KAZN: variants seen among roughly 807,000 people sequenced by gnomAD.
KAZN encodes kazrin, periplakin interacting protein.
KAZN carries 40 observed loss-of-function variants against 87.4 expected under a neutral mutation model. The ratio of observed to expected loss-of-function variants is 0.46; its 90% CI spans 0.36 to 0.60. The LOEUF is 0.60. Among genes scored for constraint, KAZN ranks in the 20% least tolerant of loss-of-function variants. The pLI is 0.00. For missense variants in KAZN, 898 were observed against 1,073.9 expected (o/e 0.84, Z 2.29); for synonymous variants, 466 against 458.3 (o/e 1.02, Z -0.22).
chr1:14,090,012 C>CT lies in KAZN; in HGVS notation c.92-90412dup, dbSNP rs61661596. ...CTTTGGTTCTCTGTAAATAATGCATCTTTTTTTTTTTCCTGTGGCAGCTTT... is the reference window on the plus strand; with the variant it reads ...CTTTGGTTCTCTGTAAATAATGCATCTTTTTTTTTTTTCCTGTGGCAGCTTT... On this transcript the variant is annotated intron_variant, in intron 1 of 16. Coordinates refer to the KAZN transcript ENST00000636203. Among the ~76,000 whole-genome samples the CT allele has an allele frequency of 5.3e-3, 780 of 146,408 alleles. 4 individuals are homozygous for CT. Among genetic ancestry groups the CT allele is most frequent in the African/African-American group, 0.016 (653 of 40,236 alleles).
At chr1:14,104,903 T>G (rs930826500) in intron 1 of KAZN, among the ~76,000 whole-genome samples, 2 of 152,244 alleles carry the variant, frequency 1.3e-5, no homozygotes, top group Non-Finnish European at 2.9e-5. Context: ...TTTGCATTTT[T>G]TTCCCAGAAA....
At chr1:14,988,268 C>T (rs1251371489) in intron 2 of KAZN, among the ~76,000 whole-genome samples, 1 of 152,238 alleles carries the variant, frequency 6.6e-6, no homozygotes, top group South Asian at 2.1e-4. Flanking sequence ...TCAGCCCCAT[C>T]TCTTCCTCCT....
chr1:14,200,169 T>C (rs1646609490), intron 2 of KAZN, among the ~76,000 whole-genome samples: 1 of 152,088 alleles, frequency 6.6e-6, no homozygotes, highest in Non-Finnish European at 1.5e-5. Flanking sequence ...TAATATTTGA[T>C]TGGGTAAATG....
intron 2 of KAZN, among the ~76,000 whole-genome samples, chr1:14,404,823 A>G (rs1443175642): frequency 6.6e-6 from 1 of 152,228 alleles, no homozygotes; most frequent in African/African-American, 2.4e-5. Flanking sequence ...TATGTATTGT[A>G]AAAGAGTAAG....
chr1:14,556,403 C>A (rs1673878339), intron 2 of KAZN, among the ~76,000 whole-genome samples: 1 of 152,002 alleles, frequency 6.6e-6, no homozygotes, highest in Non-Finnish European at 1.5e-5. Context: ...GCCCCCGTGC[C>A]CGGCGGGGGA....
chr1:14,941,542 T>A (rs1204801863), intron 1 of KAZN, among the ~76,000 whole-genome samples: 1 of 138,746 alleles, frequency 7.2e-6, no homozygotes, highest in African/African-American at 2.6e-5. Flanking sequence ...GCAGCCTGGG[T>A]TGGGGGGTGG....
chr1:14,505,183 C>A (rs1366623825), intron 2 of KAZN, among the ~76,000 whole-genome samples: 2 of 152,192 alleles, frequency 1.3e-5, no homozygotes, highest in East Asian at 1.9e-4. Flanking sequence ...TGATGGGCAT[C>A]TCTTGGTCCC....
chr1:14,724,097 CAAAG>C (rs1484339345), intron 1 of KAZN, among the ~76,000 whole-genome samples: 3 of 152,168 alleles, frequency 2.0e-5, no homozygotes, highest in Admixed American at 1.3e-4. Context: ...AAGCCACAAA[CAAAG>C]AAAGCACACA....
chr1:14,465,597 T>C (rs1668082044), intron 2 of KAZN, among the ~76,000 whole-genome samples: 1 of 152,076 alleles, frequency 6.6e-6, no homozygotes, highest in South Asian at 2.1e-4. Flanking sequence ...TCACAAAGCC[T>C]CTTGAGACCT....
At chr1:14,922,523 G>A (rs904698075) in intron 1 of KAZN, among the ~76,000 whole-genome samples, 15 of 152,180 alleles carry the variant, frequency 9.9e-5, no homozygotes, top group African/African-American at 3.1e-4. Flanking sequence ...CCACTCTGCC[G>A]TCCTCTGGCG....
chr1:14,469,525 A>ACAGTTT (rs1345766388), intron 2 of KAZN, among the ~76,000 whole-genome samples: 8 of 152,210 alleles, frequency 5.3e-5, no homozygotes, highest in African/African-American at 1.9e-4. Context: ...TTGCTAAGAA[A>ACAGTTT]ATTGGGCAGT....
At chr1:15,089,653 G>A (rs1247114827) in intron 8 of KAZN, among the ~76,000 whole-genome samples, 3 of 147,092 alleles carry the variant, frequency 2.0e-5, no homozygotes, top group African/African-American at 5.0e-5. Flanking sequence ...AAGCATAAAT[G>A]GATTAGTCTC....
At chr1:14,794,071 G>A (rs1645761115) in intron 1 of KAZN, among the ~76,000 whole-genome samples, 2 of 152,174 alleles carry the variant, frequency 1.3e-5, no homozygotes, top group Non-Finnish European at 2.9e-5. Flanking sequence ...CTCACCTTGA[G>A]CCTCAGCTCT....
At chr1:14,399,312 C>A (rs1244293358) in intron 2 of KAZN, among the ~76,000 whole-genome samples, 1 of 152,134 alleles carries the variant, frequency 6.6e-6, no homozygotes, top group Non-Finnish European at 1.5e-5. Flanking sequence ...CCACCGCACT[C>A]AACCCAAAGA....
At chr1:15,034,626 T>A in intron 2 of KAZN, 123 bp from the exon 3 acceptor site, 1 of 1,200,508 alleles carries the variant, frequency 8.3e-7, no homozygotes, top group Non-Finnish European at 1.2e-6. Flanking sequence ...GGACATTTCG[T>A]CTTTCTGAGC....
intron 2 of KAZN, among the ~76,000 whole-genome samples, chr1:14,465,046 G>A (rs1402608440): frequency 6.6e-6 from 1 of 152,110 alleles, no homozygotes; most frequent in African/African-American, 2.4e-5. Flanking sequence ...CTCACACCAT[G>A]TCTGCAGAGG....
intron 1 of KAZN, among the ~76,000 whole-genome samples, chr1:14,741,020 G>A (rs1644082212): frequency 6.6e-6 from 1 of 152,136 alleles, no homozygotes; most frequent in Non-Finnish European, 1.5e-5. Flanking sequence ...CTTCTCTGGG[G>A]GTGCAGCCTC....
intron 1 of KAZN, among the ~76,000 whole-genome samples, chr1:14,691,184 G>A (rs1641266782): frequency 6.6e-6 from 1 of 152,018 alleles, no homozygotes; most frequent in Non-Finnish European, 1.5e-5. Context: ...GTACTTTTAA[G>A]TTTCAGGTGG....
intron 10 of KAZN, among the ~76,000 whole-genome samples, chr1:15,100,556 G>A (rs992408232): frequency 1.3e-5 from 2 of 152,230 alleles, no homozygotes; most frequent in Non-Finnish European, 2.9e-5. Context: ...GCCACTGTGT[G>A]GCGAGCAGCG....
Sources: allele counts gnomAD v4.1 joint callset (sites outside exome capture counted in the v4.1 genomes callset), GRCh38; gene constraint gnomAD v4.1.1; transcripts MANE v1.5; gene names NCBI Gene and HGNC (gene_info 2026-07-23, HGNC 2026-07-21).